SHISA6: variants seen among roughly 807,000 people sequenced by gnomAD.
SHISA6 encodes shisa family member 6, also known as protein shisa-6.
SHISA6 carries 22 observed loss-of-function variants against 47.9 expected under a neutral mutation model. That is an observed-to-expected ratio of 0.46 (90% CI 0.33 to 0.66). The LOEUF (loss-of-function observed/expected upper bound fraction) is 0.66, where lower values mean the gene tolerates loss of function less well. SHISA6 is among the 30% of genes least tolerant of loss of function. The probability of loss-of-function intolerance (pLI) is 0.02; values close to 1 mark genes in which losing one functional copy is unlikely to be tolerated. For synonymous variants in SHISA6, 388 were observed against 337.8 expected, an observed-to-expected ratio of 1.15 and a Z score of -1.63; for missense variants, 680 against 764.6, an observed-to-expected ratio of 0.89 and a Z score of 1.30.
At chr17:11,297,136 C>G (rs1288697012) in intron 2 of SHISA6, among the ~76,000 whole-genome samples, 3 of 152,022 alleles carry the variant, frequency 2.0e-5, no homozygotes, top group Non-Finnish European at 4.4e-5. Flanking sequence ...CATATGGAAT[C>G]AAGAACGTAC....
intron 2 of SHISA6, among the ~76,000 whole-genome samples, chr17:11,337,407 G>C (rs911497447): frequency 1.3e-5 from 2 of 152,096 alleles, no homozygotes; most frequent in Non-Finnish European, 2.9e-5. Context: ...CATGCACTTC[G>C]GGCTTGCACC....
chr17:11,241,764 G>T lies in SHISA6; in HGVS notation c.342G>T (p.Glu114Asp), dbSNP rs754413430. Reference protein sequence around the residue: ...YDKEFECNNSESGYLYCCGTC... With the variant: ...YDKEFECNNSDSGYLYCCGTC... ...AGGAGTTCGAGTGTAACAACAGCGA[G>T]AGCGGCTACCTGTACTGCTGCGGTA... Residue 114 changes from glutamate (E) to aspartate (D), a missense_variant, in exon 1 of 6, where the codon GAG becomes GAT. Coordinates refer to ENST00000441885, the MANE Select transcript of SHISA6 (RefSeq NM_207386.4). The surrounding 1 kb of genome is among the most constrained non-coding windows in gnomAD (Gnocchi z 5.5). 1 of 1,548,476 alleles carries T rather than the reference G, an allele frequency of 6.5e-7. No individual in the cohort carries two copies. Among genetic ancestry groups the T allele is most frequent in the South Asian group, 1.2e-5 (1 of 84,070 alleles).
At chr17:11,502,492 C>T (rs1411508634) in intron 3 of SHISA6, among the ~76,000 whole-genome samples, 3 of 149,922 alleles carry the variant, frequency 2.0e-5, no homozygotes, top group East Asian at 4.0e-4. Flanking sequence ...CTTTGGGAGG[C>T]CGAGACAGGT....
chr17:11,338,576 ATT>A (rs796989290), intron 2 of SHISA6, among the ~76,000 whole-genome samples: 3 of 138,400 alleles, frequency 2.2e-5, no homozygotes, highest in Non-Finnish European at 1.6e-5. Flanking sequence ...TAATTTTTGT[ATT>A]TTTTTTTTTT....
intron 2 of SHISA6, among the ~76,000 whole-genome samples, chr17:11,313,687 A>G (rs1910410675): frequency 6.6e-6 from 1 of 152,128 alleles, no homozygotes; most frequent in Admixed American, 6.5e-5. Flanking sequence ...AGCCAGGTCA[A>G]CAGGGTGAGC....
chr17:11,412,704 G>A (rs985474330), intron 3 of SHISA6, among the ~76,000 whole-genome samples: 2 of 151,926 alleles, frequency 1.3e-5, no homozygotes, highest in African/African-American at 4.8e-5. Flanking sequence ...ACCGTGCCGG[G>A]CTAATTTTTT....
chr17:11,263,584 G>A (rs1324895040), intron 2 of SHISA6, 58 bp downstream of exon 2: 10 of 1,540,936 alleles, frequency 6.5e-6, no homozygotes, highest in Non-Finnish European at 8.8e-6. Flanking sequence ...GTTTCAGGAT[G>A]TTTCTGCTCT....
chr17:11,245,597 G>C lies in SHISA6; in HGVS notation c.638+3537G>C, dbSNP rs1312428820. On this transcript the variant is annotated intron_variant, in intron 1 of 5. Transcript: ENST00000441885. ...GTCTTGGAGATGAGAATCATTCTGA[G>C]GGAGGAACTGTGTGGCTTTTTTTAA... is the stretch of plus-strand genomic sequence containing the variant. Among the ~76,000 whole-genome samples, 3 of 152,116 alleles carry C rather than the reference G, an allele frequency of 2.0e-5. No homozygotes were observed. In the East Asian group the frequency reaches 5.8e-4, roughly 29 times the overall value.
At chr17:11,541,321 T>C (rs1273346648) in intron 3 of SHISA6, among the ~76,000 whole-genome samples, 1 of 152,190 alleles carries the variant, frequency 6.6e-6, no homozygotes, top group Non-Finnish European at 1.5e-5. Context: ...GAAGCCAGTT[T>C]GGGAAACAGC....
chr17:11,547,049 T>A (rs1355027458), intron 3 of SHISA6, among the ~76,000 whole-genome samples: 1 of 152,070 alleles, frequency 6.6e-6, no homozygotes, highest in Non-Finnish European at 1.5e-5. Flanking sequence ...AGCTGTGAAA[T>A]ATATAAAACT....
chr17:11,271,030 G>A (rs116566180), intron 2 of SHISA6, among the ~76,000 whole-genome samples: 1 of 152,164 alleles, frequency 6.6e-6, no homozygotes, highest in Non-Finnish European at 1.5e-5. Flanking sequence ...GGGTCTCTAG[G>A]GTGCAAATGG....
At chr17:11,325,562 A>C (rs1456186714) in intron 2 of SHISA6, among the ~76,000 whole-genome samples, 1 of 152,180 alleles carries the variant, frequency 6.6e-6, no homozygotes, top group Non-Finnish European at 1.5e-5. Flanking sequence ...TTCCAAAACA[A>C]TAGGGGGAAA....
chr17:11,308,408 T>C (rs1221571860), intron 2 of SHISA6, among the ~76,000 whole-genome samples: 3 of 135,376 alleles, frequency 2.2e-5, no homozygotes, highest in Non-Finnish European at 5.2e-5. Context: ...ATGCAGCAAA[T>C]TAACCTCCTG....
intron 2 of SHISA6, among the ~76,000 whole-genome samples, chr17:11,304,272 T>C (rs532178147): frequency 1.1e-4 from 16 of 152,316 alleles, no homozygotes; most frequent in Middle Eastern, 3.4e-3. Flanking sequence ...CGGGTGGCAG[T>C]GTGAAGTGGT....
At chr17:11,332,645 G>T (rs1315757542) in intron 2 of SHISA6, among the ~76,000 whole-genome samples, 1 of 152,124 alleles carries the variant, frequency 6.6e-6, no homozygotes, top group Non-Finnish European at 1.5e-5. Context: ...CTTTTGTGCA[G>T]ACTAGGCTCC....
chr17:11,407,745 T>C (rs1014925667), intron 3 of SHISA6, among the ~76,000 whole-genome samples: 3 of 152,188 alleles, frequency 2.0e-5, no homozygotes, highest in African/African-American at 7.2e-5. Flanking sequence ...TTAGTCATTA[T>C]TTGACGGCTC....
intron 3 of SHISA6, among the ~76,000 whole-genome samples, chr17:11,523,243 C>T (rs1047852503): frequency 1.3e-5 from 2 of 152,180 alleles, no homozygotes; most frequent in African/African-American, 4.8e-5. Context: ...AAATAAAAGG[C>T]AGAAAACCCC....
intron 3 of SHISA6, among the ~76,000 whole-genome samples, chr17:11,495,082 T>A (rs1173820361): frequency 2.6e-5 from 4 of 151,914 alleles, no homozygotes; most frequent in African/African-American, 9.7e-5. Context: ...CTGAGCAAGG[T>A]GGAATAAGCT....
At chr17:11,305,555 C>T (rs2142181267) in intron 2 of SHISA6, among the ~76,000 whole-genome samples, 1 of 152,348 alleles carries the variant, frequency 6.6e-6, no homozygotes. Flanking sequence ...TGGGATGACA[C>T]ACTCAACTGC....
Sources: gnomAD v4.1 joint callset for allele counts (sites outside exome capture counted in the v4.1 genomes callset) on GRCh38, gnomAD v4.1.1 for gene constraint, Gnocchi (gnomAD v3.1) non-coding constraint, MANE v1.5 for transcripts, NCBI Gene and HGNC (gene_info 2026-07-23, HGNC 2026-07-21) for gene names.